ABCC8: variants seen among roughly 807,000 people sequenced by gnomAD.
ABCC8 encodes the protein ATP-binding cassette sub-family C member 8.
In ABCC8, 137 loss-of-function variants were observed where a neutral mutation model predicts 188.0. The observed-to-expected ratio is 0.73, with a 90% CI of 0.63 to 0.84. The LOEUF is 0.84. Among genes scored for constraint, ABCC8 ranks in the 40% least tolerant of loss-of-function variants. The pLI is 0.00. For missense variants in ABCC8, 1,750 were observed against 2,072.7 expected (o/e 0.84, Z 3.02); for synonymous variants, 797 against 846.5 (o/e 0.94, Z 1.01).
intron 24 of ABCC8, 80 bp downstream of exon 24, chr11:17,407,274 C>T: frequency 6.2e-7 from 1 of 1,612,430 alleles, no homozygotes; most frequent in Non-Finnish European, 8.5e-7. Flanking sequence ...CTGCACCACA[C>T]CCAGAACCCC....
chr11:17,424,605 G>C (rs1955501801), intron 16 of ABCC8, among the ~76,000 whole-genome samples: 1 of 152,212 alleles, frequency 6.6e-6, no homozygotes, highest in African/African-American at 2.4e-5. Flanking sequence ...AGGGCAAAGG[G>C]ACCAGGTTCA....
Position 17,442,837 on chromosome 11 carries a change from C to A in ABCC8, c.1513G>T (p.Gly505Cys), listed in dbSNP as rs200977997. The change falls in exon 10 of 39, where the codon GGC becomes TGC. Residue 505 changes from glycine (G) to cysteine (C), a missense_variant. Physicochemically the swap from Gly to Cys is radical, Grantham distance 159. Transcript: ENST00000389817. ...RLKQTNEMLR[G>C]IKLLKLYAWE... ...GCGTACAGCTTCAGCAGCTTGATGCCGCGGAGCATCTCGTTGGTCTGCTTC... is the reference window on the plus strand; with the variant it reads ...GCGTACAGCTTCAGCAGCTTGATGCAGCGGAGCATCTCGTTGGTCTGCTTC... 3.1e-6 allele frequency: 5 copies of A among 1,614,070 alleles called. No homozygotes were observed. Among genetic ancestry groups the A allele is most frequent in the Non-Finnish European group, 4.2e-6 (5 of 1,180,028 alleles).
intron 34 of ABCC8, 31 bp from the exon 35 acceptor site, chr11:17,395,749 A>G (rs2133401685): frequency 6.4e-7 from 1 of 1,552,518 alleles, no homozygotes; most frequent in Non-Finnish European, 8.7e-7. Context: ...GTGCAGGGGA[A>G]GGCGGTGACT....
rs115286421 is a variant in ABCC8 at position 17,476,321 on chromosome 11, T to A, written c.148+308A>T. Among the ~76,000 whole-genome samples the A allele has an allele frequency of 0.018, 2,773 of 152,290 alleles. 96 individuals carry two copies. The highest frequency in any genetic ancestry group is 0.062 in the African/African-American group (2,587 of 41,552). ...GACCCCTCTCCAGTTTCCCACTGCG[T>A]GCTGAGACCTCCTCTTTCCCTTTTC... On this transcript the variant is annotated intron_variant, in intron 1 of 38. Transcript: ENST00000389817.
At chr11:17,447,125 C>G (rs1956565153) in intron 8 of ABCC8, among the ~76,000 whole-genome samples, 1 of 152,194 alleles carries the variant, frequency 6.6e-6, no homozygotes, top group African/African-American at 2.4e-5. Context: ...TTGAATCAGC[C>G]TGTCTCACCC....
In ABCC8 at chr11:17,411,464, G is replaced by A. The variant is rs1040595224; in HGVS notation, c.2557-811C>T. On this transcript the variant is annotated intron_variant, in intron 21 of 38. Coordinates refer to ENST00000389817, the MANE Select transcript of ABCC8 (RefSeq NM_000352.6). ...CGCTGTGTGTGTGTCAGACGGTAAC[G>A]GAGACTGAATCTTCCCACTGTGAAG... Among the ~76,000 whole-genome samples the A allele has an allele frequency of 2.0e-5, 3 of 152,214 alleles. No individual in the cohort carries two copies. The East Asian group carries it at 5.8e-4, about 29-fold the overall frequency.
At chr11:17,414,813 G>T (rs1954987834) in intron 18 of ABCC8, 2 of 545,910 alleles carry the variant, frequency 3.7e-6, no homozygotes, top group Admixed American at 6.3e-5. Context: ...GACTGGGGCA[G>T]CAGGACCTCA....
rs67706538 is a variant in ABCC8 at position 17,407,009 on chromosome 11, A to C, written c.3041T>G (p.Leu1014Trp). The C allele has an allele frequency of 6.2e-7, 1 of 1,614,090 alleles. No homozygotes were observed. Among genetic ancestry groups the C allele is most frequent in the Non-Finnish European group, 8.5e-7 (1 of 1,180,058 alleles). The change falls in exon 25 of 39, where the codon TTG (leucine) becomes TGG (tryptophan). Residue 1014 changes from leucine (L) to tryptophan (W), a missense_variant. Coordinates refer to ENST00000389817, the MANE Select transcript of ABCC8 (RefSeq NM_000352.6). ...CTTGAGCAGCTGTGAGAAGACCAGC[A>C]ACGACAGGAGCAGGATGCCGGCGGA... ...LSSAGILLLSLLVFSQLLKHM... is the reference protein window; with the variant it reads ...LSSAGILLLSWLVFSQLLKHM...
rs1487225445 is a variant in ABCC8 at position 17,428,619 on chromosome 11, C to T, written c.1869G>A (p.Gln623=). 1 of 1,613,934 alleles carries T rather than the reference C, an allele frequency of 6.2e-7. No individual in the cohort carries two copies. The highest frequency in any genetic ancestry group is 8.5e-7 in the Non-Finnish European group (1 of 1,180,042). ...FLSSAEIREE[Q]CAPHEPTPQG... is the part of the protein sequence containing the mutation. The stretch of plus-strand genomic sequence containing the variant: ...GAGGTGTGGGCTCATGGGGGGCACA[C>T]TGCTCCTCACGGATCTCTGCACTGG... The change falls in exon 13 of 39, where the codon CAG becomes CAA. Residue 623 remains glutamine (Q), a synonymous_variant. Coordinates refer to ENST00000389817, the MANE Select transcript of ABCC8 (RefSeq NM_000352.6).
At chr11:17,396,785 G>T in intron 33 of ABCC8, 131 bp downstream of exon 33, 1 of 1,181,808 alleles carries the variant, frequency 8.5e-7, no homozygotes, top group Non-Finnish European at 1.2e-6. Context: ...GCAGGAGACT[G>T]CGATGTCTGA....
chr11:17,447,706 T>C (rs1464760443), intron 8 of ABCC8, among the ~76,000 whole-genome samples: 1 of 152,206 alleles, frequency 6.6e-6, no homozygotes, highest in African/African-American at 2.4e-5. Context: ...CTTTAGGTAA[T>C]CTTCCCACCT....
At chr11:17,417,062 A>C in intron 16 of ABCC8, 100 bp from the exon 17 acceptor site, 3 of 1,579,626 alleles carry the variant, frequency 1.9e-6, no homozygotes, top group African/African-American at 1.4e-5. Flanking sequence ...CCCACCTCCA[A>C]CCCTCCCACC....
chr11:17,425,277 C>T (rs539268669), intron 16 of ABCC8, among the ~76,000 whole-genome samples: 41 of 152,278 alleles, frequency 2.7e-4, no homozygotes, highest in East Asian at 7.7e-4. Context: ...TGCTAGCCCA[C>T]GACCCCACTG....
At chr11:17,394,223 C>T in intron 37 of ABCC8, 43 bp downstream of exon 37, 1 of 1,605,728 alleles carries the variant, frequency 6.2e-7, no homozygotes, top group South Asian at 1.1e-5. Flanking sequence ...TCCCACTAAA[C>T]CCTTTCCAAG....
intron 17 of ABCC8, 119 bp from the exon 18 acceptor site, chr11:17,415,458 T>G: frequency 6.5e-7 from 1 of 1,541,868 alleles, no homozygotes; most frequent in Non-Finnish European, 8.7e-7. Context: ...CTGGACCCAG[T>G]CTGTAGCCAC....
intron 4 of ABCC8, among the ~76,000 whole-genome samples, chr11:17,462,951 G>C (rs1006487317): frequency 1.3e-5 from 2 of 152,154 alleles, no homozygotes; most frequent in Non-Finnish European, 2.9e-5. Context: ...AAAGACAAAC[G>C]AGTTCATTAG....
intron 5 of ABCC8, chr11:17,460,966 C>CAGAG: frequency 2.0e-6 from 1 of 504,968 alleles, no homozygotes; most frequent in Non-Finnish European, 3.5e-6. Flanking sequence ...GAGGAGGTGG[C>CAGAG]CATGTGCCAC....
At chr11:17,460,345 G>T (rs1443101796) in intron 6 of ABCC8, 143 bp downstream of exon 6, 2 of 1,301,432 alleles carry the variant, frequency 1.5e-6, no homozygotes, top group African/African-American at 1.4e-5. Flanking sequence ...GTATTCTGTG[G>T]TGGGGATACT....
chr11:17,453,001 C>CA, intron 7 of ABCC8, 118 bp downstream of exon 7: 1 of 1,064,186 alleles, frequency 9.4e-7, no homozygotes, highest in East Asian at 2.4e-5. Flanking sequence ...TAATGGGCAA[C>CA]AAAAAATAAA....
Sources: gnomAD v4.1 joint callset for allele counts (sites outside exome capture counted in the v4.1 genomes callset) on GRCh38, gnomAD v4.1.1 for gene constraint, MANE v1.5 for transcripts, NCBI Gene and HGNC (gene_info 2026-07-23, HGNC 2026-07-21) for gene names.